Variants in PROX1 observed in about 807,000 individuals in gnomAD.
PROX1 encodes the protein prospero homeobox 1.
Under a neutral mutation model 58.8 loss-of-function variants are expected in PROX1, and 7 were observed. That is an observed-to-expected ratio of 0.12 (90% CI 0.07 to 0.22). The LOEUF is 0.22. PROX1 is among the 10% of genes least tolerant of loss of function. The pLI is 1.00. For missense variants in PROX1, 675 were observed against 927.8 expected, an observed-to-expected ratio of 0.73 and a Z score of 3.54; for synonymous variants, 350 against 358.3, an observed-to-expected ratio of 0.98 and a Z score of 0.26.
intron 2 of PROX1, among the ~76,000 whole-genome samples, chr1:214,000,646 ATTGCACTT>A (rs1663473065): frequency 1.3e-5 from 2 of 152,080 alleles, no homozygotes; most frequent in South Asian, 4.1e-4. Flanking sequence ...CTATTAATAC[ATTGCACTT>A]TTAACCATTT....
At position 213,996,553 on chromosome 1, in the gene PROX1, C is replaced by G; in HGVS notation, c.18C>G (p.Ser6Arg). The change falls in exon 2 of 5, where the codon AGC (serine) becomes AGG (arginine). Residue 6 changes from serine (S) to arginine (R), a missense_variant. By Grantham distance (110) the Ser-to-Arg change is moderately radical (BLOSUM62 -1). Transcript: ENST00000366958. MPDHDSTALLSRQTKR... is the reference protein window; with the variant it reads MPDHDRTALLSRQTKR... ...GTCCAGTGATGCCTGACCATGACAG[C>G]ACAGCCCTCTTAAGCCGGCAAACCA... The G allele has an allele frequency of 6.2e-7, 1 of 1,613,726 alleles. No homozygotes were observed. The highest frequency in any genetic ancestry group is 8.5e-7 in the Non-Finnish European group (1 of 1,179,784).
intron 4 of PROX1, among the ~76,000 whole-genome samples, chr1:214,014,563 A>T (rs428330): frequency 0.92 from 140,491 of 152,284 alleles, 65,192 homozygotes; most frequent in Non-Finnish European, 0.98. Flanking sequence ...TTTACTAATG[A>T]CCTAGGCACT....
intron 2 of PROX1, among the ~76,000 whole-genome samples, chr1:214,003,391 T>C (rs928734219): frequency 3.9e-5 from 6 of 152,200 alleles, no homozygotes; most frequent in African/African-American, 1.4e-4. Flanking sequence ...CAACTATTAT[T>C]TCACTTATCC....
chr1:214,005,124 G>A, intron 2 of PROX1, 41 bp from the exon 3 acceptor site: 2 of 1,527,212 alleles, frequency 1.3e-6, no homozygotes, highest in Non-Finnish European at 1.8e-6. Flanking sequence ...GGGAGTCCTT[G>A]TGCTTACAGA....
chr1:213,997,744 C>T lies in PROX1; in HGVS notation c.1209C>T (p.His403=), dbSNP rs1174692229. 3.7e-6 allele frequency: 6 copies of T among 1,614,018 alleles called. No individual in the cohort carries two copies. Among genetic ancestry groups the T allele is most frequent in the Non-Finnish European group, 5.1e-6 (6 of 1,180,008 alleles). The change falls in exon 2 of 5, where the codon CAC becomes CAT. Residue 403 remains histidine (H), a synonymous_variant. Transcript: ENST00000366958. This position sits in a 1 kb window ranked among gnomAD's most constrained non-coding sequence, Gnocchi z 7.1. ...FAVNGENHNF[H]TANQRLQCFG... is the part of the protein sequence containing the mutation. ...TCAATGGGGAAAACCACAATTTCCA[C>T]ACCGCCAACCAGCGCCTGCAGTGCT...
At chr1:213,999,340 C>G (rs1288942532) in intron 2 of PROX1, among the ~76,000 whole-genome samples, 1 of 151,936 alleles carries the variant, frequency 6.6e-6, no homozygotes, top group Non-Finnish European at 1.5e-5. Flanking sequence ...ATATAATAAA[C>G]AGATGGATAT....
intron 1 of PROX1, among the ~76,000 whole-genome samples, chr1:213,990,659 C>CGTGTGTGTGTGTGTGT (rs71165944): frequency 5.2e-5 from 7 of 135,916 alleles, no homozygotes; most frequent in African/African-American, 8.4e-5. Flanking sequence ...AGAGAACTGT[C>CGTGTGTGTGTGTGTGT]GTGTGTGTGT....
At chr1:213,989,333 G>A (rs1662934890) in intron 1 of PROX1, among the ~76,000 whole-genome samples, 1 of 151,868 alleles carries the variant, frequency 6.6e-6, no homozygotes. Flanking sequence ...GGGAGGCTCG[G>A]GGGGTCGCGT....
upstream of PROX1, chr1:213,986,208 T>C (rs1359236228): frequency 1.3e-5 from 2 of 150,844 alleles, no homozygotes; most frequent in African/African-American, 4.9e-5. Context: ...GTGTGAGTGG[T>C]GCGTGTGCGC....
chr1:214,002,980 T>C (rs1663577587), intron 2 of PROX1, among the ~76,000 whole-genome samples: 1 of 152,186 alleles, frequency 6.6e-6, no homozygotes. Flanking sequence ...ACTGATCAGT[T>C]CCAAGTATTA....
chr1:213,985,546 C>G (rs1029213684), upstream of PROX1: 1 of 152,232 alleles, frequency 6.6e-6, no homozygotes, highest in African/African-American at 2.4e-5. Flanking sequence ...CGCGGCAGAG[C>G]GTCGCGAGCC....
chr1:213,992,471 G>T (rs1246882969), intron 1 of PROX1, among the ~76,000 whole-genome samples: 3 of 152,054 alleles, frequency 2.0e-5, no homozygotes, highest in Non-Finnish European at 4.4e-5. Flanking sequence ...CAGACCATCT[G>T]ATTTTTCCCC....
intron 4 of PROX1, among the ~76,000 whole-genome samples, chr1:214,023,511 T>C (rs11120240): frequency 0.094 from 14,227 of 152,058 alleles, 1,615 homozygotes; most frequent in African/African-American, 0.27. Flanking sequence ...TGTGCATCAC[T>C]ATGCCCAGCC....
intron 4 of PROX1, among the ~76,000 whole-genome samples, chr1:214,019,479 A>G (rs1242315516): frequency 6.6e-6 from 1 of 152,154 alleles, no homozygotes; most frequent in Non-Finnish European, 1.5e-5. Flanking sequence ...TTGCCTCACT[A>G]GGGTTGGATA....
chr1:213,991,757 C>T (rs1257544292), intron 1 of PROX1, among the ~76,000 whole-genome samples: 1 of 152,186 alleles, frequency 6.6e-6, no homozygotes, highest in African/African-American at 2.4e-5. Flanking sequence ...TTGTTTAAAA[C>T]TCAAACAGGC....
chr1:214,005,132 A>G (rs1416767074), intron 2 of PROX1, 33 bp from the exon 3 acceptor site: 1 of 1,557,062 alleles, frequency 6.4e-7, no homozygotes, highest in Admixed American at 1.7e-5. Flanking sequence ...TTGTGCTTAC[A>G]GAATTGCTTT....
chr1:213,999,458 C>T (rs997666338), intron 2 of PROX1, among the ~76,000 whole-genome samples: 1 of 152,194 alleles, frequency 6.6e-6, no homozygotes, highest in Non-Finnish European at 1.5e-5. Context: ...GAGGCTGCCA[C>T]GTAAGTGCAA....
chr1:213,997,077 G>A lies in PROX1; in HGVS notation c.542G>A (p.Ser181Asn). Residue 181 changes from serine (S) to asparagine (N), a missense_variant, in exon 2 of 5, where the codon AGT (serine) becomes AAT (asparagine). By Grantham distance (46) the Ser-to-Asn change is conservative. This residue lies in a region of PROX1 where 403 missense variants were observed against 477.4 expected (regional missense o/e 0.84). Transcript: ENST00000366958. The surrounding 1 kb of genome is among the most constrained non-coding windows in gnomAD (Gnocchi z 7.1). The stretch of plus-strand genomic sequence containing the variant: ...ATTCGGGGTATGAGCCATTCCCCCA[G>A]TGTGGCATTAAGGGGCAATGAAAAT... The part of the protein sequence containing the change: ...NIIRGMSHSP[S>N]VALRGNENER... 1 of 1,614,046 alleles carries A rather than the reference G, an allele frequency of 6.2e-7. No homozygotes were observed. The highest frequency in any genetic ancestry group is 8.5e-7 in the Non-Finnish European group (1 of 1,180,014).
At chr1:214,032,302 C>A (rs1203628368) in intron 4 of PROX1, among the ~76,000 whole-genome samples, 1 of 152,178 alleles carries the variant, frequency 6.6e-6, no homozygotes, top group Non-Finnish European at 1.5e-5. Context: ...TCATCTCATA[C>A]AATCTCATGC....
Sources: allele counts gnomAD v4.1 joint callset (sites outside exome capture counted in the v4.1 genomes callset), GRCh38; gene constraint gnomAD v4.1.1; regional missense constraint gnomAD v4.1.1; non-coding constraint Gnocchi (gnomAD v3.1); transcripts MANE v1.5; gene names NCBI Gene and HGNC (gene_info 2026-07-23, HGNC 2026-07-21).